The following RSBN1 variants were observed in gnomAD, a reference collection of about 807,000 sequenced individuals.
The protein encoded by RSBN1 is lysine-specific demethylase 9.
A neutral mutation model predicts 74.8 loss-of-function variants in RSBN1; 23 were observed. The ratio of observed to expected loss-of-function variants is 0.31; its 90% CI spans 0.22 to 0.44. The LOEUF (loss-of-function observed/expected upper bound fraction) is 0.44, where lower values mean the gene tolerates loss of function less well. Among genes scored for constraint, RSBN1 ranks in the 20% least tolerant of loss-of-function variants. The probability of loss-of-function intolerance (pLI) is 1.00; values close to 1 mark genes in which losing one functional copy is unlikely to be tolerated. For missense variants in RSBN1, 808 were observed against 1,020.9 expected (o/e 0.79, Z 2.84); for synonymous variants, 407 against 379.6 (o/e 1.07, Z -0.84).
At chr1:113,801,830 A>G (rs1302244295) in intron 1 of RSBN1, among the ~76,000 whole-genome samples, 1 of 152,234 alleles carries the variant, frequency 6.6e-6, no homozygotes, top group Non-Finnish European at 1.5e-5. Context: ...AAAGGTAACT[A>G]TTAATACATG....
intron 2 of RSBN1, among the ~76,000 whole-genome samples, chr1:113,786,975 T>G (rs1660256921): frequency 6.6e-6 from 1 of 152,216 alleles, no homozygotes; most frequent in Non-Finnish European, 1.5e-5. Flanking sequence ...TTACTTTTTC[T>G]TTTCTGGCTG....
intron 1 of RSBN1, among the ~76,000 whole-genome samples, chr1:113,811,418 T>C (rs780331850): frequency 6.6e-6 from 1 of 152,204 alleles, no homozygotes; most frequent in Non-Finnish European, 1.5e-5. Context: ...GTACCCCACC[T>C]ACTAATCTAA....
intron 1 of RSBN1, among the ~76,000 whole-genome samples, chr1:113,805,928 A>G (rs1660691289): frequency 6.6e-6 from 1 of 152,244 alleles, no homozygotes; most frequent in Non-Finnish European, 1.5e-5. Context: ...TGCAAAAACT[A>G]CCATAGACAA....
At chr1:113,779,627 T>TA (rs1295083139) in intron 2 of RSBN1, among the ~76,000 whole-genome samples, 1 of 152,202 alleles carries the variant, frequency 6.6e-6, no homozygotes, top group Non-Finnish European at 1.5e-5. Context: ...TAAGTCTTTT[T>TA]AAATCATTAT....
At chr1:113,808,590 T>G (rs974101522) in intron 1 of RSBN1, among the ~76,000 whole-genome samples, 6 of 152,178 alleles carry the variant, frequency 3.9e-5, no homozygotes. Context: ...AAATGTCCTT[T>G]CTTATACGGG....
At chr1:113,792,826 G>A (rs980855083) in intron 2 of RSBN1, among the ~76,000 whole-genome samples, 9 of 152,006 alleles carry the variant, frequency 5.9e-5, no homozygotes, top group African/African-American at 9.7e-5. Context: ...GAAGGGAAGG[G>A]AGGGGAAGGG....
At chr1:113,784,506 T>C (rs1660199438) in intron 2 of RSBN1, among the ~76,000 whole-genome samples, 1 of 152,010 alleles carries the variant, frequency 6.6e-6, no homozygotes, top group Non-Finnish European at 1.5e-5. Context: ...GGGCAGGGGG[T>C]TGGCAGGCAT....
At chr1:113,800,700 G>A (rs752932859) in intron 1 of RSBN1, among the ~76,000 whole-genome samples, 9 of 152,006 alleles carry the variant, frequency 5.9e-5, no homozygotes, top group Non-Finnish European at 8.8e-5. Flanking sequence ...TGCGTTGATT[G>A]TAACACATTT....
In RSBN1 at chr1:113,762,240, G is replaced by C. The variant is rs1226409012; in HGVS notation, c.*3740C>G. ...ATAGTAGTACATAAGTATTTCTTTA[G>C]AGAGAATTGAAAAGTGCTATATTTT... On this transcript the variant is annotated 3_prime_UTR_variant, in exon 7 of 7. Transcript: ENST00000261441. The C allele has an allele frequency of 6.5e-6, 1 of 152,742 alleles. No individual in the cohort carries two copies. The highest frequency in any genetic ancestry group is 6.5e-5 in the Admixed American group (1 of 15,276). The allele number at this position is 152,742 out of a possible 1,614,324, so 9.5% of individuals were successfully genotyped here.
chr1:113,780,185 A>G (rs2101801127), intron 2 of RSBN1, among the ~76,000 whole-genome samples: 1 of 152,362 alleles, frequency 6.6e-6, no homozygotes, highest in Non-Finnish European at 1.5e-5. Flanking sequence ...CCCAGCCAGA[A>G]GTGACTCTTA....
intron 2 of RSBN1, among the ~76,000 whole-genome samples, chr1:113,784,687 A>G (rs746722897): frequency 6.6e-6 from 1 of 152,226 alleles, no homozygotes; most frequent in Non-Finnish European, 1.5e-5. Flanking sequence ...CAGCAATGCT[A>G]TTATAGCTTG....
intron 2 of RSBN1, among the ~76,000 whole-genome samples, chr1:113,783,127 A>C (rs995192399): frequency 6.6e-6 from 1 of 152,200 alleles, no homozygotes; most frequent in Non-Finnish European, 1.5e-5. Flanking sequence ...AATATGTTTG[A>C]ATACAAACTT....
In RSBN1 at chr1:113,766,266, A is replaced by G; in HGVS notation, c.2123T>C (p.Val708Ala). 6.2e-7 allele frequency: 1 copy of G among 1,614,144 alleles called. No homozygotes were observed. Among genetic ancestry groups the G allele is most frequent in the South Asian group, 1.1e-5 (1 of 91,090 alleles). The change falls in exon 7 of 7, where the codon GTG becomes GCG. Residue 708 changes from valine (V) to alanine (A), a missense_variant. Physicochemically the swap from Val to Ala is moderately conservative, Grantham distance 64. This residue lies in a region of RSBN1 where 38 missense variants were observed against 120.6 expected (regional missense o/e 0.32). Transcript: ENST00000261441. Reference protein sequence around the residue: ...HIRLKQYHPVVEATQNTESNS... With the variant: ...HIRLKQYHPVAEATQNTESNS... The stretch of plus-strand genomic sequence containing the variant: ...GCTTTCTGTGTTTTGAGTGGCTTCC[A>G]CAACAGGGTGGTACTGTTTAAGCCT...
intron 2 of RSBN1, among the ~76,000 whole-genome samples, chr1:113,791,997 T>A (rs1194603671): frequency 6.6e-6 from 1 of 152,184 alleles, no homozygotes; most frequent in Admixed American, 6.5e-5. Flanking sequence ...ACATTTTTTG[T>A]TTTTCTCTGG....
At chr1:113,790,692 G>C (rs1237601154) in intron 2 of RSBN1, among the ~76,000 whole-genome samples, 1 of 152,146 alleles carries the variant, frequency 6.6e-6, no homozygotes, top group African/African-American at 2.4e-5. Context: ...GTAGAGGTCA[G>C]ATAAGATTAT....
intron 2 of RSBN1, among the ~76,000 whole-genome samples, chr1:113,787,759 T>C (rs1660274163): frequency 1.3e-5 from 2 of 152,198 alleles, no homozygotes; most frequent in Non-Finnish European, 2.9e-5. Flanking sequence ...GATTTTTAGC[T>C]GTAGAAACTA....
intron 2 of RSBN1, among the ~76,000 whole-genome samples, chr1:113,786,484 G>C (rs1214233587): frequency 2.0e-5 from 3 of 152,132 alleles, no homozygotes; most frequent in Non-Finnish European, 4.4e-5. Flanking sequence ...GTCTTTTAAA[G>C]ACTGAGGCAA....
At chr1:113,804,726 G>A (rs948798851) in intron 1 of RSBN1, among the ~76,000 whole-genome samples, 2 of 152,154 alleles carry the variant, frequency 1.3e-5, no homozygotes, top group South Asian at 4.1e-4. Flanking sequence ...TTGTTGTTCT[G>A]ATAAATAAGA....
chr1:113,807,105 G>A (rs568843703), intron 1 of RSBN1, among the ~76,000 whole-genome samples: 1 of 152,046 alleles, frequency 6.6e-6, no homozygotes, highest in African/African-American at 2.4e-5. Flanking sequence ...CTGAGGTCAG[G>A]AGTTCAAGAC....
Sources: gnomAD v4.1 joint callset for allele counts (sites outside exome capture counted in the v4.1 genomes callset) on GRCh38, gnomAD v4.1.1 for gene constraint, gnomAD v4.1.1 regional missense constraint, MANE v1.5 for transcripts, NCBI Gene and HGNC (gene_info 2026-07-23, HGNC 2026-07-21) for gene names.